AFG2A: variants seen among roughly 807,000 people sequenced by gnomAD.
AFG2A encodes ATPase family gene 2 protein homolog A.
the AFG2A span, among the ~76,000 whole-genome samples, chr4:122,979,945 C>T: frequency 6.6e-6 from 1 of 152,122 alleles, no homozygotes; most frequent in African/African-American, 2.4e-5. Flanking sequence ...AATACTAAAA[C>T]CAGGATACCC....
the AFG2A span, among the ~76,000 whole-genome samples, chr4:123,016,364 A>T: frequency 3.9e-4 from 59 of 149,384 alleles, no homozygotes; most frequent in Non-Finnish European, 7.9e-4. Context: ...CACTTCTCAT[A>T]TGGGGCGGTT....
chr4:123,309,753 A>C, the AFG2A span, among the ~76,000 whole-genome samples: 1 of 152,292 alleles, frequency 6.6e-6, no homozygotes, highest in South Asian at 2.1e-4. Context: ...TCAAATTTTC[A>C]GATTACAAAT....
At chr4:123,038,324 A>G in the AFG2A span, among the ~76,000 whole-genome samples, 1 of 152,116 alleles carries the variant, frequency 6.6e-6, no homozygotes, top group African/African-American at 2.4e-5. Flanking sequence ...GAAAGATTCC[A>G]CAAAATTAGT....
chr4:123,273,218 T>A, the AFG2A span, among the ~76,000 whole-genome samples: 1 of 152,166 alleles, frequency 6.6e-6, no homozygotes, highest in African/African-American at 2.4e-5. Flanking sequence ...GCATATATAA[T>A]GAGCTACGTT....
the AFG2A span, among the ~76,000 whole-genome samples, chr4:123,004,066 T>C: frequency 6.6e-6 from 1 of 152,174 alleles, no homozygotes; most frequent in African/African-American, 2.4e-5. Context: ...CTCAGACTGC[T>C]GTGCTAGGAA....
the AFG2A span, among the ~76,000 whole-genome samples, chr4:123,180,665 G>T: frequency 6.6e-6 from 1 of 152,122 alleles, no homozygotes; most frequent in East Asian, 1.9e-4. Context: ...TTTAAAAGAT[G>T]AACTAAAGCT....
the AFG2A span, among the ~76,000 whole-genome samples, chr4:123,085,175 G>A: frequency 6.6e-6 from 1 of 152,136 alleles, no homozygotes; most frequent in Non-Finnish European, 1.5e-5. Context: ...TATGAAGAAT[G>A]TGTTGGCTGT....
At chr4:122,952,464 A>G in the AFG2A span, among the ~76,000 whole-genome samples, 25 of 152,210 alleles carry the variant, frequency 1.6e-4, no homozygotes, top group African/African-American at 5.8e-4. Flanking sequence ...TGATGCCCAT[A>G]CCCTAGGAGT....
At chr4:123,158,361 T>C in the AFG2A span, among the ~76,000 whole-genome samples, 4 of 152,206 alleles carry the variant, frequency 2.6e-5, no homozygotes, top group Non-Finnish European at 5.9e-5. Context: ...TCTCAGGAAT[T>C]TCAGAGCAAA....
the AFG2A span, among the ~76,000 whole-genome samples, chr4:122,975,758 T>G: frequency 6.6e-6 from 1 of 152,154 alleles, no homozygotes; most frequent in South Asian, 2.1e-4. Flanking sequence ...ACCAACATCC[T>G]TTAAAAGATA....
the AFG2A span, among the ~76,000 whole-genome samples, chr4:122,988,192 T>G: frequency 6.6e-6 from 1 of 152,006 alleles, no homozygotes; most frequent in African/African-American, 2.4e-5. Flanking sequence ...AATGAGTTGC[T>G]TTTTTCTTGC....
chr4:122,979,483 A>C, the AFG2A span: 1 of 1,375,328 alleles, frequency 7.3e-7, no homozygotes, highest in East Asian at 2.3e-5. Context: ...CTAAACTTTA[A>C]AAAAATATTT....
the AFG2A span, chr4:122,923,242 T>G: frequency 6.2e-7 from 1 of 1,614,200 alleles, no homozygotes; most frequent in East Asian, 2.2e-5. Flanking sequence ...ACGGGCTCCT[T>G]CTGCTGGATC....
the AFG2A span, among the ~76,000 whole-genome samples, chr4:123,082,650 G>T: frequency 2.0e-5 from 3 of 151,532 alleles, no homozygotes; most frequent in African/African-American, 7.3e-5. Flanking sequence ...AGCTATTTTG[G>T]ATCTTTTGCC....
At chr4:123,119,075 C>A in the AFG2A span, among the ~76,000 whole-genome samples, 3 of 151,890 alleles carry the variant, frequency 2.0e-5, no homozygotes, top group African/African-American at 7.3e-5. Flanking sequence ...TCTGCCAAAC[C>A]AAATTAACAG....
At chr4:123,162,747 T>C in the AFG2A span, among the ~76,000 whole-genome samples, 6 of 152,148 alleles carry the variant, frequency 3.9e-5, no homozygotes, top group African/African-American at 9.7e-5. Flanking sequence ...AGCTGTGGGT[T>C]GACATCAGGC....
chr4:123,144,945 T>C, the AFG2A span, among the ~76,000 whole-genome samples: 9 of 152,202 alleles, frequency 5.9e-5, no homozygotes, highest in South Asian at 4.1e-4. Context: ...ATTATTTTCC[T>C]AAGACAATAA....
chr4:122,979,313 T>C, the AFG2A span: 1 of 1,614,088 alleles, frequency 6.2e-7, no homozygotes, highest in African/African-American at 1.3e-5. Context: ...AAGATTACTC[T>C]GAAGGATTTC....
the AFG2A span, among the ~76,000 whole-genome samples, chr4:122,977,476 G>A: frequency 6.6e-6 from 1 of 152,226 alleles, no homozygotes; most frequent in African/African-American, 2.4e-5. Context: ...GTGGGCACCA[G>A]GTAACGTGGT....
Sources: gnomAD v4.1 joint callset for allele counts (sites outside exome capture counted in the v4.1 genomes callset) on GRCh38, gnomAD v4.1.1 for gene constraint, MANE v1.5 for transcripts, NCBI Gene and HGNC (gene_info 2026-07-23, HGNC 2026-07-21) for gene names.